CNTN3: variants seen among roughly 807,000 people sequenced by gnomAD.
The protein encoded by CNTN3 is contactin 3.
A neutral mutation model predicts 119.1 loss-of-function variants in CNTN3; 60 were observed. The ratio of observed to expected loss-of-function variants is 0.50; its 90% CI spans 0.41 to 0.62. CNTN3 has a LOEUF of 0.62. CNTN3 is among the 20% of genes least tolerant of loss of function. CNTN3 has a pLI of 0.00. For synonymous variants in CNTN3, 450 were observed against 438.7 expected (o/e 1.03, Z -0.32); for missense variants, 1,101 against 1,242.4 (o/e 0.89, Z 1.71).
intron 4 of CNTN3, among the ~76,000 whole-genome samples, chr3:74,449,540 G>A (rs984164281): frequency 6.6e-6 from 1 of 152,036 alleles, no homozygotes; most frequent in Non-Finnish European, 1.5e-5. Context: ...AGTTAGGGAA[G>A]GGGTTTTGGA....
chr3:74,298,725 T>C (rs1305204845), intron 17 of CNTN3, among the ~76,000 whole-genome samples: 1 of 151,228 alleles, frequency 6.6e-6, no homozygotes, highest in Non-Finnish European at 1.5e-5. Flanking sequence ...GGTGAAACCT[T>C]GTCTCTACTA....
At chr3:74,362,969 A>G (rs1704110214) in intron 10 of CNTN3, among the ~76,000 whole-genome samples, 1 of 152,110 alleles carries the variant, frequency 6.6e-6, no homozygotes, top group African/African-American at 2.4e-5. Flanking sequence ...TAAAACAAAA[A>G]CTTGTTTATA....
At chr3:74,369,028 A>T (rs935872742) in intron 8 of CNTN3, among the ~76,000 whole-genome samples, 161 bp downstream of exon 8, 23 of 152,106 alleles carry the variant, frequency 1.5e-4, no homozygotes, top group African/African-American at 5.6e-4. Flanking sequence ...TTTCTTTTTA[A>T]TTCCCCCTAT....
In CNTN3 at chr3:74,361,974, A is replaced by T; in HGVS notation, c.1280T>A (p.Val427Asp). The change falls in exon 11 of 23, where the codon GTC becomes GAC. Residue 427 changes from valine (V) to aspartate (D), a missense_variant. Physicochemically the swap from Val to Asp is radical, Grantham distance 152. Transcript: ENST00000263665. ...GGCTCTGGGTTTACAATCCAAGCTGACCAGGCTGCCCACCTGCACCTGAAC... is the reference window on the plus strand; with the variant it reads ...GGCTCTGGGTTTACAATCCAAGCTGTCCAGGCTGCCCACCTGCACCTGAAC... ...KLVQVQVGSL[V>D]SLDCKPRASP... is the part of the protein sequence containing the mutation. The T allele has an allele frequency of 6.2e-7, 1 of 1,613,908 alleles. No individual in the cohort carries two copies. The highest frequency in any genetic ancestry group is 1.1e-5 in the South Asian group (1 of 91,078).
chr3:74,425,221 A>T (rs946051312), intron 4 of CNTN3, among the ~76,000 whole-genome samples: 23 of 152,172 alleles, frequency 1.5e-4, no homozygotes, highest in Admixed American at 1.3e-3. Context: ...GTAGTTTTCT[A>T]ATCCTTACCC....
At chr3:74,536,943 C>T (rs1021328873) in intron 1 of CNTN3, among the ~76,000 whole-genome samples, 5 of 151,840 alleles carry the variant, frequency 3.3e-5, no homozygotes, top group African/African-American at 1.2e-4. Flanking sequence ...TAAAGAGGGA[C>T]GGCTACTTCT....
chr3:74,334,481 T>G (rs568154621), intron 13 of CNTN3, among the ~76,000 whole-genome samples: 34 of 152,278 alleles, frequency 2.2e-4, no homozygotes, highest in Non-Finnish European at 4.7e-4. Flanking sequence ...CAAAACAAAG[T>G]AATGAAAAGT....
At position 74,298,601 on chromosome 3, in the gene CNTN3, G is replaced by GAA. The variant is rs397839322; in HGVS notation, c.2167-412_2167-411dup. ...GATTAAGAACAATTAAGTAAAACTG[G>GAA]AAAAAAAAAAAAAGGCCTGGTACGG... On this transcript the variant is annotated intron_variant, in intron 17 of 22. Transcript: ENST00000263665. Among the ~76,000 whole-genome samples, 709 of 141,536 alleles carry GAA rather than the reference G, an allele frequency of 5.0e-3. 2 individuals are homozygous for GAA. The highest frequency in any genetic ancestry group is 0.013 in the African/African-American group (522 of 38,760). 92.9% of individuals were successfully genotyped at this position (141,536 alleles called of 152,430 possible). A position where few individuals can be genotyped will look rare whatever the true frequency, so the allele number is the denominator to read the frequency against.
At chr3:74,271,112 T>C (rs1701766918) in intron 20 of CNTN3, among the ~76,000 whole-genome samples, 1 of 152,192 alleles carries the variant, frequency 6.6e-6, no homozygotes, top group African/African-American at 2.4e-5. Context: ...ACTCTGCAGA[T>C]ACTTGCCTGA....
At chr3:74,365,182 G>T (rs1387626226) in intron 9 of CNTN3, among the ~76,000 whole-genome samples, 1 of 151,902 alleles carries the variant, frequency 6.6e-6, no homozygotes, top group East Asian at 1.9e-4. Context: ...TACATAACAA[G>T]GTAACCAAGT....
chr3:74,387,274 T>C (rs1704774845), intron 5 of CNTN3, among the ~76,000 whole-genome samples: 2 of 152,214 alleles, frequency 1.3e-5, no homozygotes. Flanking sequence ...GAATAAACCT[T>C]CATCAAAACA....
chr3:74,429,808 A>G (rs1255461713), intron 4 of CNTN3, among the ~76,000 whole-genome samples: 1 of 152,196 alleles, frequency 6.6e-6, no homozygotes, highest in Non-Finnish European at 1.5e-5. Context: ...ATACGATTCC[A>G]TTAGAAAATG....
intron 5 of CNTN3, among the ~76,000 whole-genome samples, chr3:74,403,033 G>A (rs1705236550): frequency 6.6e-6 from 1 of 152,162 alleles, no homozygotes; most frequent in East Asian, 1.9e-4. Context: ...GAGTCCAGAT[G>A]TTTTGGGCCT....
At chr3:74,379,246 C>T (rs1470949973) in intron 5 of CNTN3, among the ~76,000 whole-genome samples, 2 of 152,120 alleles carry the variant, frequency 1.3e-5, no homozygotes, top group Admixed American at 1.3e-4. Context: ...GCCTCTGCCT[C>T]GTGGGTTCAA....
At chr3:74,427,590 A>G (rs1375494980) in intron 4 of CNTN3, among the ~76,000 whole-genome samples, 1 of 152,168 alleles carries the variant, frequency 6.6e-6, no homozygotes, top group Non-Finnish European at 1.5e-5. Flanking sequence ...TTTGGACTTT[A>G]AAAACAAACT....
intron 4 of CNTN3, among the ~76,000 whole-genome samples, chr3:74,430,511 G>A (rs1701765545): frequency 6.6e-6 from 1 of 152,192 alleles, no homozygotes; most frequent in Non-Finnish European, 1.5e-5. Flanking sequence ...CAGAGGCTGA[G>A]GTAGGAGGGT....
intron 5 of CNTN3, among the ~76,000 whole-genome samples, chr3:74,413,524 C>A (rs1030330298): frequency 6.6e-6 from 1 of 151,970 alleles, no homozygotes; most frequent in Non-Finnish European, 1.5e-5. Context: ...TCAATAAACT[C>A]AAAAAAGAAC....
At chr3:74,497,605 T>G (rs1409699393) in intron 3 of CNTN3, among the ~76,000 whole-genome samples, 1 of 151,834 alleles carries the variant, frequency 6.6e-6, no homozygotes, top group African/African-American at 2.4e-5. Context: ...TTTAGAAAAT[T>G]TTTAAAGTTA....
At chr3:74,587,912 T>A (rs1461448895) in intron 1 of CNTN3, among the ~76,000 whole-genome samples, 2 of 152,330 alleles carry the variant, frequency 1.3e-5, no homozygotes, top group East Asian at 1.9e-4. Flanking sequence ...GCCCATTCAG[T>A]ATGACATTGG....
Sources: gnomAD v4.1 joint callset for allele counts (sites outside exome capture counted in the v4.1 genomes callset) on GRCh38, gnomAD v4.1.1 for gene constraint, MANE v1.5 for transcripts, NCBI Gene and HGNC (gene_info 2026-07-23, HGNC 2026-07-21) for gene names.